Variants in TMEM30A observed in about 807,000 individuals in gnomAD.
TMEM30A encodes the protein cell cycle control protein 50A.
In TMEM30A, 24 loss-of-function variants were observed where a neutral mutation model predicts 38.2. The observed-to-expected ratio is 0.63, with a 90% confidence interval of 0.46 to 0.88. The LOEUF is 0.88. TMEM30A is among the 40% of genes least tolerant of loss of function. The pLI is 0.00. For synonymous variants in TMEM30A, 145 were observed against 161.6 expected (o/e 0.90, Z 0.78); for missense variants, 370 against 458.6 (o/e 0.81, Z 1.77).
intron 6 of TMEM30A, chr6:75,256,918 T>A (rs989626384): frequency 3.1e-6 from 1 of 327,224 alleles, no homozygotes; most frequent in Admixed American, 4.1e-5. Context: ...AGATGAATTA[T>A]CTACATGGAC....
chr6:75,254,811 AT>A lies in TMEM30A; in HGVS notation c.*1290del, dbSNP rs35676721. On this transcript the variant is annotated 3_prime_UTR_variant, in exon 7 of 7. Transcript: ENST00000230461. Reference sequence around the variant, plus strand: ...ATATTTTCATGCATGTGGAAAAATTATTTTTAACTAGAACTTTAAGAATAAG... The same window carrying A: ...ATATTTTCATGCATGTGGAAAAATTATTTTAACTAGAACTTTAAGAATAAG... 2.0e-5 allele frequency: 3 copies of A among 152,550 alleles called. No individual in the cohort carries two copies. The highest frequency in any genetic ancestry group is 7.2e-5 in the African/African-American group (3 of 41,444). 9.4% of individuals were successfully genotyped at this position (152,550 alleles called of 1,614,324 possible).
In TMEM30A at chr6:75,255,511, A is replaced by G. The variant is rs1211583260; in HGVS notation, c.*591T>C. On this transcript the variant is annotated 3_prime_UTR_variant, in exon 7 of 7. Transcript: ENST00000230461. ...CATTAATTCTTATGCCAGACAAGGT[A>G]AGCGTGTCCTTTGAAATCAAAGCTA... 1 of 152,528 alleles carries G rather than the reference A, an allele frequency of 6.6e-6. No homozygotes were observed. The highest frequency in any genetic ancestry group is 1.5e-5 in the Non-Finnish European group (1 of 68,010). The allele number at this position is 152,528 out of a possible 1,614,324, so 9.4% of individuals were successfully genotyped here.
At chr6:75,262,042 G>C (rs551706215) in intron 3 of TMEM30A, among the ~76,000 whole-genome samples, 6 of 152,280 alleles carry the variant, frequency 3.9e-5, no homozygotes, top group African/African-American at 1.4e-4. Context: ...GCATTAACTG[G>C]CTTACAAAAG....
intron 5 of TMEM30A, 94 bp from the exon 6 acceptor site, chr6:75,259,080 G>A (rs906965343): frequency 9.2e-7 from 1 of 1,081,416 alleles, no homozygotes; most frequent in Non-Finnish European, 1.3e-6. Context: ...ATAAATAGGG[G>A]TTTATTCAAA....
At position 75,284,032 on chromosome 6, in the gene TMEM30A, C is replaced by T. The variant is rs73750968; in HGVS notation, c.237+370G>A. Among the ~76,000 whole-genome samples, 1,110 of 151,754 alleles carry T rather than the reference C, an allele frequency of 7.3e-3. 12 individuals are homozygous for T. The highest frequency in any genetic ancestry group is 0.026 in the African/African-American group (1,061 of 41,314). ...TACATCTACCTAGTTACAATTGCCCCCCGCCCCCACTTCTCTTTTTACCTC... is the reference window on the plus strand; with the variant it reads ...TACATCTACCTAGTTACAATTGCCCTCCGCCCCCACTTCTCTTTTTACCTC... On this transcript the variant is annotated intron_variant, in intron 1 of 6. Coordinates refer to ENST00000230461, the MANE Select transcript of TMEM30A (RefSeq NM_018247.4).
chr6:75,263,339 C>T (rs566770196), intron 3 of TMEM30A, among the ~76,000 whole-genome samples: 1 of 152,236 alleles, frequency 6.6e-6, no homozygotes, highest in South Asian at 2.1e-4. Flanking sequence ...ACTACAAGTG[C>T]TAATATGACC....
intron 1 of TMEM30A, among the ~76,000 whole-genome samples, chr6:75,278,669 GA>G (rs571794506): frequency 1.5e-3 from 226 of 152,262 alleles, no homozygotes; most frequent in African/African-American, 5.2e-3. Flanking sequence ...CATTTTACAT[GA>G]GACTGAAAAT....
chr6:75,284,365 A>C (rs1353709536), intron 1 of TMEM30A, 37 bp downstream of exon 1: 3 of 1,597,644 alleles, frequency 1.9e-6, no homozygotes, highest in Non-Finnish European at 2.6e-6. Context: ...CCTCCTCCCG[A>C]GCAACGCCAA....
In TMEM30A at chr6:75,258,928, A is replaced by G. The variant is rs1771915957; in HGVS notation, c.744T>C (p.Asp248=). 4 of 1,613,860 alleles carry G rather than the reference A, an allele frequency of 2.5e-6. No individual in the cohort carries two copies. In the East Asian group the frequency reaches 8.9e-5, roughly 36 times the overall value. ...KPVYMLDSDP[D]NNGFINEDFI... ...AATCCTCATTTATGAATCCATTATT[A>G]TCTGGGTCAGAATCCAGCATGTAAA... Residue 248 remains aspartate (D), a synonymous_variant, in exon 6 of 7, where the codon GAT becomes GAC. Transcript: ENST00000230461.
chr6:75,272,584 A>G (rs1395522208), intron 1 of TMEM30A: 2 of 152,216 alleles, frequency 1.3e-5, no homozygotes, highest in Non-Finnish European at 2.9e-5. Context: ...TAAGGGATAA[A>G]TATGTTGCTT....
chr6:75,277,305 C>CAAAAAAAA (rs60419282), intron 1 of TMEM30A, among the ~76,000 whole-genome samples: 1 of 91,672 alleles, frequency 1.1e-5, no homozygotes, highest in African/African-American at 3.9e-5. Context: ...TGTCCTCATC[C>CAAAAAAAA]AAAAAAAAAA....
intron 1 of TMEM30A, among the ~76,000 whole-genome samples, chr6:75,278,870 C>G (rs1772308274): frequency 6.6e-6 from 1 of 152,094 alleles, no homozygotes; most frequent in African/African-American, 2.4e-5. Flanking sequence ...ATATTAATCA[C>G]CTTTCTTGGA....
chr6:75,275,182 A>G (rs1336671125), intron 1 of TMEM30A, among the ~76,000 whole-genome samples: 1 of 151,804 alleles, frequency 6.6e-6, no homozygotes, highest in Non-Finnish European at 1.5e-5. Context: ...GTTCCTCCTT[A>G]GCTCCCCAGC....
intron 2 of TMEM30A, among the ~76,000 whole-genome samples, 184 bp from the exon 3 acceptor site, chr6:75,265,522 G>A (rs240393): frequency 0.95 from 144,455 of 152,306 alleles, 68,522 homozygotes; most frequent in East Asian, 0.98. Context: ...GGCTAGAGAA[G>A]GTATGTTACA....
chr6:75,269,678 A>C (rs1396202913), intron 1 of TMEM30A, among the ~76,000 whole-genome samples: 1 of 152,138 alleles, frequency 6.6e-6, no homozygotes, highest in Non-Finnish European at 1.5e-5. Context: ...TTGCTGGATC[A>C]TAGAGTAAGA....
chr6:75,256,590 G>T (rs747125839), intron 6 of TMEM30A, among the ~76,000 whole-genome samples: 11 of 152,008 alleles, frequency 7.2e-5, no homozygotes, highest in Admixed American at 2.0e-4. Context: ...GGGGCAAAAG[G>T]CCTCAAAGGA....
intron 1 of TMEM30A, chr6:75,284,177 T>C (rs1448972347): frequency 3.3e-6 from 2 of 599,684 alleles, no homozygotes; most frequent in Admixed American, 2.8e-5. Flanking sequence ...TTCCGTGGAT[T>C]TGCTCTTTCG....
In TMEM30A at chr6:75,260,837, G is replaced by A. The variant is rs779970820; in HGVS notation, c.528C>T (p.Asn176=). 1.3e-6 allele frequency: 2 copies of A among 1,591,842 alleles called. No homozygotes were observed. Among genetic ancestry groups the A allele is most frequent in the Non-Finnish European group, 1.7e-6 (2 of 1,172,824 alleles). Residue 176 remains asparagine (N), a synonymous_variant, in exon 4 of 7, where the codon AAC becomes AAT. Coordinates refer to ENST00000230461, the MANE Select transcript of TMEM30A (RefSeq NM_018247.4). The part of the protein sequence containing the change: ...KPIAPCGAIA[N]SMFNDTLELF... ...TCTATATCATACCATTAAACATGCT[G>A]TTGGCAATAGCTCCACAAGGAGCAA...
intron 4 of TMEM30A, 86 bp downstream of exon 4, chr6:75,260,738 T>C: frequency 1.3e-6 from 1 of 769,188 alleles, no homozygotes. Context: ...CTCAATTTCA[T>C]TCATGTTTAC....
Sources: allele counts gnomAD v4.1 joint callset (sites outside exome capture counted in the v4.1 genomes callset), GRCh38; gene constraint gnomAD v4.1.1; transcripts MANE v1.5; gene names NCBI Gene and HGNC (gene_info 2026-07-23, HGNC 2026-07-21).